Variants in ADCK1 observed in about 807,000 individuals in gnomAD.
ADCK1 encodes the protein aarF domain-containing protein kinase 1.
Under a neutral mutation model 52.3 loss-of-function variants are expected in ADCK1, and 41 were observed. The observed-to-expected ratio is 0.78, with a 90% CI of 0.61 to 1.02. ADCK1 has a LOEUF of 1.02. Among genes scored for constraint, ADCK1 ranks in the 50% least tolerant of loss-of-function variants. The pLI is 0.00. For missense variants in ADCK1, 658 were observed against 679.5 expected, an observed-to-expected ratio of 0.97 and a Z score of 0.35; for synonymous variants, 250 against 274.6, an observed-to-expected ratio of 0.91 and a Z score of 0.89.
chr14:77,859,190 AC>A lies in ADCK1; in HGVS notation c.336del (p.Ser113AlafsTer3). 6.2e-7 allele frequency: 1 copy of A among 1,614,060 alleles called. No individual in the cohort carries two copies. Among genetic ancestry groups the A allele is most frequent in the Non-Finnish European group, 8.5e-7 (1 of 1,180,006 alleles). Reference protein sequence around the residue: ...ALDYLLPEEYTSTLKVLHSQA... With the variant: ...ALDYLLPEEYXSTLKVLHSQA... ...GGACTACCTGTTGCCAGAGGAGTAC[AC>A]CAGCACGCTGAAGGTACTGCACAGC... On this transcript the variant is annotated frameshift_variant, in exon 4 of 11. Coordinates refer to ENST00000238561, the MANE Select transcript of ADCK1 (RefSeq NM_020421.4). LOFTEE classifies it high-confidence loss of function.
intron 6 of ADCK1, 41 bp from the exon 7 acceptor site, chr14:77,907,762 C>A: frequency 6.6e-7 from 1 of 1,513,884 alleles, no homozygotes; most frequent in Non-Finnish European, 9.1e-7. Context: ...GCCCGATTCC[C>A]AGCTTCCCCA....
At chr14:77,887,399 G>T in intron 5 of ADCK1, 150 bp downstream of exon 5, 4 of 881,636 alleles carry the variant, frequency 4.5e-6, no homozygotes, top group Non-Finnish European at 6.3e-6. Context: ...GACAGAGGAG[G>T]TGTTATGACA....
chr14:77,815,578 G>A (rs934549536), intron 1 of ADCK1, among the ~76,000 whole-genome samples: 5 of 149,978 alleles, frequency 3.3e-5, no homozygotes, highest in Admixed American at 2.0e-4. Context: ...GGAGTGCAGT[G>A]GCATAATCTC....
chr14:77,805,571 T>C (rs2081206572), intron 1 of ADCK1, among the ~76,000 whole-genome samples: 1 of 152,104 alleles, frequency 6.6e-6, no homozygotes, highest in African/African-American at 2.4e-5. Flanking sequence ...CAAAAATTAC[T>C]CTTATATGGC....
chr14:77,874,505 G>T (rs1466038868), intron 4 of ADCK1, among the ~76,000 whole-genome samples: 1 of 152,124 alleles, frequency 6.6e-6, no homozygotes, highest in Non-Finnish European at 1.5e-5. Flanking sequence ...CTGAGGGTGG[G>T]GTCTGAACCT....
chr14:77,931,986 T>C (rs1175996026), intron 10 of ADCK1, among the ~76,000 whole-genome samples: 1 of 152,240 alleles, frequency 6.6e-6, no homozygotes, highest in Non-Finnish European at 1.5e-5. Context: ...CTTTGTCCTA[T>C]AGATGAGACT....
chr14:77,933,348 G>A lies in ADCK1; in HGVS notation c.1529G>A (p.Arg510Gln), dbSNP rs141695743. Residue 510 changes from arginine (R) to glutamine (Q), a missense_variant, in exon 11 of 11, where the codon CGG (arginine) becomes CAG (glutamine). Transcript: ENST00000238561. Reference sequence around the variant, plus strand: ...GTGAAGGGGTTGAAGCTGGCTGACCGGGTCTTGGCCCTAATATGCTGGCTG... The same window carrying A: ...GTGAAGGGGTTGAAGCTGGCTGACCAGGTCTTGGCCCTAATATGCTGGCTG... The part of the protein sequence containing the change: ...LRVKGLKLAD[R>Q]VLALICWLFP... 4.0e-5 allele frequency: 64 copies of A among 1,614,098 alleles called. No homozygotes were observed. Among genetic ancestry groups the A allele is most frequent in the African/African-American group, 2.4e-4 (18 of 75,010 alleles).
intron 8 of ADCK1, 144 bp downstream of exon 8, chr14:77,924,750 C>A: frequency 1.7e-6 from 2 of 1,194,772 alleles, no homozygotes; most frequent in Non-Finnish European, 1.1e-6. Flanking sequence ...TCATTTTGTG[C>A]AAGTCACTGT....
chr14:77,910,627 C>A (rs2083770759), intron 7 of ADCK1, among the ~76,000 whole-genome samples: 1 of 152,220 alleles, frequency 6.6e-6, no homozygotes, highest in Non-Finnish European at 1.5e-5. Flanking sequence ...ACCCTCAAGT[C>A]CATTAATCTC....
At chr14:77,870,262 C>T (rs573382534) in intron 4 of ADCK1, among the ~76,000 whole-genome samples, 5 of 152,322 alleles carry the variant, frequency 3.3e-5, no homozygotes, top group African/African-American at 1.2e-4. Flanking sequence ...GAAGCAGAAC[C>T]AGGATTTGAG....
At chr14:77,815,953 C>A (rs536519440) in intron 1 of ADCK1, among the ~76,000 whole-genome samples, 11 of 151,454 alleles carry the variant, frequency 7.3e-5, no homozygotes, top group Non-Finnish European at 1.6e-4. Context: ...GTAGCTGGGA[C>A]TACAGGTGTG....
intron 3 of ADCK1, among the ~76,000 whole-genome samples, chr14:77,857,011 T>G (rs1180103362): frequency 6.6e-6 from 1 of 151,170 alleles, no homozygotes; most frequent in African/African-American, 2.4e-5. Context: ...CTAGCAAAGC[T>G]TGAAGTGGAC....
At chr14:77,901,752 A>T (rs2083551629) in intron 6 of ADCK1, among the ~76,000 whole-genome samples, 1 of 152,182 alleles carries the variant, frequency 6.6e-6, no homozygotes, top group Admixed American at 6.5e-5. Flanking sequence ...GGGGAGAGAG[A>T]TGTATGCTAC....
chr14:77,801,727 G>A (rs768811627), intron 1 of ADCK1, among the ~76,000 whole-genome samples: 12 of 152,190 alleles, frequency 7.9e-5, no homozygotes, highest in Non-Finnish European at 1.3e-4. Context: ...ATCACTTGAG[G>A]TCAGGCGTTC....
intron 4 of ADCK1, among the ~76,000 whole-genome samples, chr14:77,876,352 T>C (rs2082899086): frequency 6.6e-6 from 1 of 152,222 alleles, no homozygotes; most frequent in Non-Finnish European, 1.5e-5. Flanking sequence ...TCATGTCATC[T>C]CTTTCTCTAA....
chr14:77,914,372 T>C lies in ADCK1; in HGVS notation c.858+6453T>C, dbSNP rs533685513. ...TCCGTGGCCTGGGTTCCACCTGCCATGCTTAGCCAGAAGCCCTTGCTATGC... is the reference window on the plus strand; with the variant it reads ...TCCGTGGCCTGGGTTCCACCTGCCACGCTTAGCCAGAAGCCCTTGCTATGC... On this transcript the variant is annotated intron_variant, in intron 7 of 10. Coordinates refer to ENST00000238561, the MANE Select transcript of ADCK1 (RefSeq NM_020421.4). 44 of 984,390 alleles carry C rather than the reference T, an allele frequency of 4.5e-5. No individual in the cohort carries two copies. The African/African-American group carries it at 7.5e-4, about 17-fold the overall frequency. The allele number at this position is 984,390 out of a possible 1,614,324, so 61.0% of individuals were successfully genotyped here.
At position 77,923,598 on chromosome 14, in the gene ADCK1, G is replaced by A. The variant is rs1189167272; in HGVS notation, c.859-859G>A. 2 of 152,226 alleles carry A rather than the reference G, an allele frequency of 1.3e-5. No individual in the cohort carries two copies. The highest frequency in any genetic ancestry group is 2.9e-5 in the Non-Finnish European group (2 of 68,090). 9.4% of individuals were successfully genotyped at this position (152,226 alleles called of 1,614,324 possible). A position where few individuals can be genotyped will look rare whatever the true frequency, so the allele number is the denominator to read the frequency against. ...AGCCGAGGCCGAGAGGGTTGCCTAGGGCAGCTTGTGTCCTGGCGTGTCAGC... is the reference window on the plus strand; with the variant it reads ...AGCCGAGGCCGAGAGGGTTGCCTAGAGCAGCTTGTGTCCTGGCGTGTCAGC... On this transcript the variant is annotated intron_variant, in intron 7 of 10. Transcript: ENST00000238561. The surrounding 1 kb of genome is among the most constrained non-coding windows in gnomAD (Gnocchi z 4.3).
chr14:77,899,277 T>C lies in ADCK1; in HGVS notation c.741+19T>C. ...CTTGAAGGTAGGTGGGACGATGCAA[T>C]GCAGGGTATGGTGGTCTGGTGGAAG... On this transcript the variant is annotated intron_variant, in intron 6 of 10. Transcript: ENST00000238561. 2 of 1,613,714 alleles carry C rather than the reference T, an allele frequency of 1.2e-6. No individual in the cohort carries two copies. The highest frequency in any genetic ancestry group is 1.7e-6 in the Non-Finnish European group (2 of 1,179,812).
chr14:77,826,053 A>G (rs1053490259), intron 3 of ADCK1, among the ~76,000 whole-genome samples: 2 of 152,208 alleles, frequency 1.3e-5, no homozygotes, highest in Non-Finnish European at 2.9e-5. Flanking sequence ...AGGCAGTGAC[A>G]CTGTAGCTCC....
Sources: gnomAD v4.1 joint callset for allele counts (sites outside exome capture counted in the v4.1 genomes callset) on GRCh38, gnomAD v4.1.1 for gene constraint, Gnocchi (gnomAD v3.1) non-coding constraint, MANE v1.5 for transcripts, NCBI Gene and HGNC (gene_info 2026-07-23, HGNC 2026-07-21) for gene names.